Variants in PARD3 observed in about 807,000 individuals in gnomAD.
PARD3 encodes partitioning defective 3 homolog.
Under a neutral mutation model 155.4 loss-of-function variants are expected in PARD3, and 75 were observed. The ratio of observed to expected loss-of-function variants is 0.48; its 90% CI spans 0.40 to 0.58. The LOEUF is 0.58. PARD3 is among the 20% of genes least tolerant of loss of function. The probability of loss-of-function intolerance (pLI) is 0.00; values close to 1 mark genes in which losing one functional copy is unlikely to be tolerated. For missense variants in PARD3, 1,642 were observed against 1,721.7 expected, an observed-to-expected ratio of 0.95 and a Z score of 0.82; for synonymous variants, 576 against 610.5, an observed-to-expected ratio of 0.94 and a Z score of 0.83.
chr10:34,201,188 G>C (rs1319106599), intron 22 of PARD3, among the ~76,000 whole-genome samples: 1 of 152,206 alleles, frequency 6.6e-6, no homozygotes, highest in Admixed American at 6.5e-5. Context: ...GAAGAAAGAT[G>C]CAGTCATGTA....
intron 14 of PARD3, among the ~76,000 whole-genome samples, chr10:34,350,161 T>G (rs1486357432): frequency 6.6e-6 from 1 of 152,230 alleles, no homozygotes; most frequent in Non-Finnish European, 1.5e-5. Flanking sequence ...GTTACAGTTT[T>G]GTTTTAAATC....
chr10:34,666,476 C>A (rs2093473840), intron 2 of PARD3, among the ~76,000 whole-genome samples: 2 of 151,978 alleles, frequency 1.3e-5, no homozygotes, highest in Non-Finnish European at 2.9e-5. Flanking sequence ...CTAGGTGGCA[C>A]TCGAGGAATT....
intron 1 of PARD3, 28 bp downstream of exon 1, chr10:34,814,848 C>G (rs1308926934): frequency 2.8e-6 from 4 of 1,410,096 alleles, no homozygotes; most frequent in Non-Finnish European, 2.9e-6. Context: ...CCGCCGCCCC[C>G]TCCCCGCCCG....
At chr10:34,644,667 TAAC>T (rs1389927007) in intron 2 of PARD3, among the ~76,000 whole-genome samples, 1 of 152,244 alleles carries the variant, frequency 6.6e-6, no homozygotes, top group Non-Finnish European at 1.5e-5. Flanking sequence ...TTACGGGGTA[TAAC>T]AACTATGAAA....
chr10:34,701,649 C>T (rs2094281513), intron 1 of PARD3, among the ~76,000 whole-genome samples: 1 of 152,048 alleles, frequency 6.6e-6, no homozygotes, highest in Non-Finnish European at 1.5e-5. Flanking sequence ...ACTCCCAGTG[C>T]TTTGGGAGGC....
intron 2 of PARD3, among the ~76,000 whole-genome samples, chr10:34,556,385 CTTTTT>C (rs5784421): frequency 3.6e-5 from 5 of 137,408 alleles, no homozygotes; most frequent in African/African-American, 1.4e-4. Flanking sequence ...TTTCTTCTTT[CTTTTT>C]TTTTTTTTTT....
intron 2 of PARD3, among the ~76,000 whole-genome samples, chr10:34,645,632 G>A (rs905707983): frequency 2.0e-5 from 3 of 152,144 alleles, no homozygotes; most frequent in African/African-American, 7.2e-5. Flanking sequence ...AGACAGTATG[G>A]CTTAAAGAAA....
intron 23 of PARD3, among the ~76,000 whole-genome samples, chr10:34,123,820 A>G (rs1009941362): frequency 9.2e-5 from 14 of 152,222 alleles, no homozygotes; most frequent in Non-Finnish European, 1.6e-4. Context: ...ATGAAAATAC[A>G]AAACGAAATA....
At chr10:34,546,136 T>C (rs1399826859) in intron 2 of PARD3, among the ~76,000 whole-genome samples, 1 of 152,198 alleles carries the variant, frequency 6.6e-6, no homozygotes, top group East Asian at 1.9e-4. Flanking sequence ...TACCAACATA[T>C]AGTAACTATT....
At chr10:34,203,849 C>T (rs1430206546) in intron 22 of PARD3, among the ~76,000 whole-genome samples, 1 of 152,170 alleles carries the variant, frequency 6.6e-6, no homozygotes, top group African/African-American at 2.4e-5. Flanking sequence ...GCAGAAGACA[C>T]ACTCAAGTAA....
chr10:34,715,049 G>C (rs1190488607), intron 1 of PARD3, among the ~76,000 whole-genome samples: 1 of 149,570 alleles, frequency 6.7e-6, no homozygotes, highest in African/African-American at 2.5e-5. Context: ...TGGGATTACA[G>C]GCGTAAGCCA....
chr10:34,599,251 A>G (rs2089562630), intron 2 of PARD3, among the ~76,000 whole-genome samples: 1 of 152,130 alleles, frequency 6.6e-6, no homozygotes, highest in Non-Finnish European at 1.5e-5. Flanking sequence ...ATAAACTCTA[A>G]AACTCATCTT....
rs12255718 is a variant in PARD3, at chr10:34,580,779, G to A, written c.223-63620C>T. The stretch of plus-strand genomic sequence containing the variant: ...TAAAGAGTAACCACAGATTACAATA[G>A]CAGGGCCACTTAGAGACACAACGTA... On this transcript the variant is annotated intron_variant, in intron 2 of 24. Coordinates refer to ENST00000374788, the MANE Select transcript of PARD3 (RefSeq NM_001184785.2). 1.9e-3 allele frequency among the ~76,000 whole-genome samples: 293 copies of A among 152,256 alleles called. 1 individual carries two copies. The highest frequency in any genetic ancestry group is 6.7e-3 in the African/African-American group (279 of 41,520).
Position 34,596,191 on chromosome 10 carries a change from G to A in PARD3, c.223-79032C>T, listed in dbSNP as rs1259744455. On this transcript the variant is annotated intron_variant, in intron 2 of 24. Transcript: ENST00000374788. Reference sequence around the variant, plus strand: ...AGCATGCCTGTGGAAATAACTTTGGGAGCACTCAAGTTTGTAAGCAATATC... The same window carrying A: ...AGCATGCCTGTGGAAATAACTTTGGAAGCACTCAAGTTTGTAAGCAATATC... Among the ~76,000 whole-genome samples, 20 of 151,776 alleles carry A rather than the reference G, an allele frequency of 1.3e-4. 1 individual carries two copies. Among genetic ancestry groups the A allele is most frequent in the Admixed American group, 1.3e-3 (20 of 15,246 alleles).
Position 34,343,657 on chromosome 10 carries a change from A to G in PARD3, c.2219-1841T>C, listed in dbSNP as rs117171929. On this transcript the variant is annotated intron_variant, in intron 15 of 24. Transcript: ENST00000374788. ...AATGGACAGCTAAAAAACTTTACAT[A>G]TTCTACTAAGCTGCACCTAGACAAT... is the stretch of plus-strand genomic sequence containing the variant. The G allele has an allele frequency of 2.4e-5, 24 of 985,322 alleles. No homozygotes were observed. In the East Asian group the frequency reaches 2.6e-3, roughly 107 times the overall value. The allele number at this position is 985,322 out of a possible 1,614,324, so 61.0% of individuals were successfully genotyped here.
intron 2 of PARD3, among the ~76,000 whole-genome samples, chr10:34,619,755 T>A (rs564738824): frequency 3.2e-4 from 48 of 152,294 alleles, no homozygotes; most frequent in Middle Eastern, 3.4e-3. Context: ...AATCTTTGAA[T>A]GTCCTCTACA....
At chr10:34,461,151 G>A (rs2077625457) in intron 4 of PARD3, among the ~76,000 whole-genome samples, 1 of 152,176 alleles carries the variant, frequency 6.6e-6, no homozygotes, top group Non-Finnish European at 1.5e-5. Context: ...AAGAAAGGAT[G>A]TTTAAAGTCC....
At chr10:34,253,123 G>C (rs537552027) in intron 22 of PARD3, among the ~76,000 whole-genome samples, 6 of 152,322 alleles carry the variant, frequency 3.9e-5, no homozygotes, top group Admixed American at 2.0e-4. Context: ...GTTACAAAGA[G>C]AGACTAATGG....
At chr10:34,340,800 A>G (rs1034871545) in intron 16 of PARD3, among the ~76,000 whole-genome samples, 6 of 152,216 alleles carry the variant, frequency 3.9e-5, no homozygotes, top group Non-Finnish European at 7.4e-5. Flanking sequence ...GAAAAACAGT[A>G]GGAAGCAGGA....
Sources: allele counts gnomAD v4.1 joint callset (sites outside exome capture counted in the v4.1 genomes callset), GRCh38; gene constraint gnomAD v4.1.1; transcripts MANE v1.5; gene names NCBI Gene and HGNC (gene_info 2026-07-23, HGNC 2026-07-21).